The following NPLOC4 variants were observed in gnomAD, a reference collection of about 807,000 sequenced individuals.
The protein encoded by NPLOC4 is NPL4 homolog, ubiquitin recognition factor.
Under a neutral mutation model 80.6 loss-of-function variants are expected in NPLOC4, and 18 were observed. The ratio of observed to expected loss-of-function variants is 0.22; its 90% confidence interval spans 0.15 to 0.33. NPLOC4 has a LOEUF of 0.33. Ranked by LOEUF, NPLOC4 falls within the 10% of genes least tolerant of loss-of-function variation. The probability of loss-of-function intolerance (pLI) is 1.00; values close to 1 mark genes in which losing one functional copy is unlikely to be tolerated. For synonymous variants in NPLOC4, 313 were observed against 301.5 expected, an observed-to-expected ratio of 1.04 and a Z score of -0.39; for missense variants, 540 against 786.1, an observed-to-expected ratio of 0.69 and a Z score of 3.74.
At chr17:81,631,863 A>C (rs2035941407) in intron 1 of NPLOC4, among the ~76,000 whole-genome samples, 2 of 151,604 alleles carry the variant, frequency 1.3e-5, no homozygotes, top group Non-Finnish European at 2.9e-5. Context: ...ACAATGGCGC[A>C]ATCTTGGCTC....
intron 3 of NPLOC4, among the ~76,000 whole-genome samples, chr17:81,614,077 C>A (rs150262497): frequency 2.0e-5 from 3 of 151,890 alleles, no homozygotes; most frequent in African/African-American, 4.8e-5. Flanking sequence ...AAGATCAAGA[C>A]CATCCTGGCC....
chr17:81,603,185 A>G (rs558353267), intron 8 of NPLOC4, among the ~76,000 whole-genome samples: 1 of 152,260 alleles, frequency 6.6e-6, no homozygotes, highest in East Asian at 1.9e-4. Flanking sequence ...CAAAAAGAAA[A>G]AGGTTTTAAA....
intron 16 of NPLOC4, among the ~76,000 whole-genome samples, chr17:81,561,074 C>T (rs934688579): frequency 1.3e-5 from 2 of 152,158 alleles, no homozygotes; most frequent in African/African-American, 2.4e-5. Flanking sequence ...TCTCCTACCT[C>T]AGCCTCCCAA....
intron 12 of NPLOC4, among the ~76,000 whole-genome samples, chr17:81,587,168 A>G (rs897886178): frequency 1.3e-5 from 2 of 152,226 alleles, no homozygotes; most frequent in Non-Finnish European, 2.9e-5. Context: ...GAGTTAGTAT[A>G]TAAGAACATT....
Position 81,557,478 on chromosome 17 carries a change from G to A in NPLOC4, c.*1781C>T, listed in dbSNP as rs1020193652. ...AATAGCGTGGTGGATAAGGACGAGC[G>A]AGTGGGAGAGGAACTGGCAACGCGG... On this transcript the variant is annotated 3_prime_UTR_variant, in exon 17 of 17. Transcript: ENST00000331134. The A allele has an allele frequency of 3.3e-5, 5 of 152,282 alleles. No homozygotes were observed. Among genetic ancestry groups the A allele is most frequent in the African/African-American group, 1.2e-4 (5 of 41,450 alleles). The allele number at this position is 152,282 out of a possible 1,614,324, so 9.4% of individuals were successfully genotyped here. A position where few individuals can be genotyped will look rare whatever the true frequency, so the allele number is the denominator to read the frequency against.
chr17:81,624,331 T>C (rs147740737), intron 2 of NPLOC4, among the ~76,000 whole-genome samples: 3 of 152,200 alleles, frequency 2.0e-5, no homozygotes, highest in African/African-American at 4.8e-5. Flanking sequence ...GGCAAGAGAA[T>C]TGCTTGAAAC....
At chr17:81,624,297 T>C (rs911977942) in intron 2 of NPLOC4, among the ~76,000 whole-genome samples, 4 of 152,058 alleles carry the variant, frequency 2.6e-5, no homozygotes, top group Non-Finnish European at 5.9e-5. Context: ...GGACACTTGT[T>C]ATCCCAGCTA....
chr17:81,630,908 C>T (rs2144335946), intron 1 of NPLOC4, among the ~76,000 whole-genome samples: 1 of 152,160 alleles, frequency 6.6e-6, no homozygotes, highest in East Asian at 1.9e-4. Context: ...CACAGTGGCT[C>T]CTGCCTGTAA....
intron 5 of NPLOC4, 74 bp downstream of exon 5, chr17:81,610,136 G>A (rs2035304232): frequency 7.3e-7 from 1 of 1,379,178 alleles, no homozygotes; most frequent in South Asian, 1.2e-5. Flanking sequence ...GTGGACTCAG[G>A]GCAAGCACTT....
rs556955953 is a variant in NPLOC4, at chr17:81,602,541, A to G, written c.834+2007T>C. On this transcript the variant is annotated intron_variant, in intron 8 of 16. Coordinates refer to ENST00000331134, the MANE Select transcript of NPLOC4 (RefSeq NM_017921.4). ...AACATGGTGAAACCCTGTCTCTACT[A>G]AAATTACAAAAATTAGCCAGGCGTG... Among the ~76,000 whole-genome samples the G allele has an allele frequency of 2.0e-5, 3 of 152,114 alleles. No individual in the cohort carries two copies. In the East Asian group the frequency reaches 5.8e-4, roughly 29 times the overall value.
At chr17:81,612,064 A>G (rs1343750704) in intron 4 of NPLOC4, among the ~76,000 whole-genome samples, 1 of 152,190 alleles carries the variant, frequency 6.6e-6, no homozygotes, top group Non-Finnish European at 1.5e-5. Context: ...AAGTTTGGAA[A>G]ATACCTACTT....
At position 81,624,056 on chromosome 17, in the gene NPLOC4, G is replaced by A. The variant is rs757066845; in HGVS notation, c.97-1778C>T. The stretch of plus-strand genomic sequence containing the variant: ...TCCCAGCACTTCGGGAGGCCAAGGC[G>A]GGTGGATCACTTCAAGTCAGGAGTT... On this transcript the variant is annotated intron_variant, in intron 2 of 16. Coordinates refer to ENST00000331134, the MANE Select transcript of NPLOC4 (RefSeq NM_017921.4). Among the ~76,000 whole-genome samples, 13 of 152,152 alleles carry A rather than the reference G, an allele frequency of 8.5e-5. No individual in the cohort carries two copies. The East Asian group carries it at 1.8e-3, about 20-fold the overall frequency.
intron 3 of NPLOC4, among the ~76,000 whole-genome samples, chr17:81,620,604 G>A (rs2035638237): frequency 1.3e-5 from 2 of 152,174 alleles, no homozygotes; most frequent in Admixed American, 1.3e-4. Context: ...TTGCAATGGT[G>A]ACACATAAGG....
At chr17:81,613,958 C>T (rs1017007227) in intron 3 of NPLOC4, among the ~76,000 whole-genome samples, 2 of 152,008 alleles carry the variant, frequency 1.3e-5, no homozygotes, top group African/African-American at 2.4e-5. Context: ...AGCACAGACA[C>T]GCATAGGAGC....
intron 7 of NPLOC4, among the ~76,000 whole-genome samples, chr17:81,605,290 AAAT>A (rs1568148413): frequency 2.9e-5 from 4 of 137,826 alleles, no homozygotes; most frequent in Admixed American, 1.4e-4. Context: ...CAAAAAAAAA[AAAT>A]AAATAATAAT....
chr17:81,582,323 A>G (rs2034464947), intron 12 of NPLOC4, among the ~76,000 whole-genome samples: 1 of 152,224 alleles, frequency 6.6e-6, no homozygotes, highest in Non-Finnish European at 1.5e-5. Flanking sequence ...ATGATGCCCG[A>G]TGAGGGGCAT....
chr17:81,619,594 G>T (rs2035609293), intron 3 of NPLOC4, among the ~76,000 whole-genome samples: 1 of 151,546 alleles, frequency 6.6e-6, no homozygotes, highest in Non-Finnish European at 1.5e-5. Context: ...AAAAAAGGCG[G>T]GGTGCCAGGC....
intron 9 of NPLOC4, among the ~76,000 whole-genome samples, chr17:81,598,665 T>C (rs1157866328): frequency 6.6e-6 from 1 of 152,094 alleles, no homozygotes; most frequent in Non-Finnish European, 1.5e-5. Context: ...TGCTGTGTGA[T>C]CCTTAGGCCC....
chr17:81,607,330 A>G lies in NPLOC4; in HGVS notation c.531-516T>C, dbSNP rs190552040. On this transcript the variant is annotated intron_variant, in intron 6 of 16. Coordinates refer to ENST00000331134, the MANE Select transcript of NPLOC4 (RefSeq NM_017921.4). ...AAACTACTGTTGAAGACTGTCAATG[A>G]GAAAATCCTGGACCCTACTCTGAAC... is the stretch of plus-strand genomic sequence containing the variant. Among the ~76,000 whole-genome samples the G allele has an allele frequency of 4.6e-3, 701 of 152,058 alleles. 4 individuals carry two copies. The highest frequency in any genetic ancestry group is 7.6e-3 in the Admixed American group (116 of 15,248).
Sources: allele counts gnomAD v4.1 joint callset (sites outside exome capture counted in the v4.1 genomes callset), GRCh38; gene constraint gnomAD v4.1.1; transcripts MANE v1.5; gene names NCBI Gene and HGNC (gene_info 2026-07-23, HGNC 2026-07-21).